The following KCNN3 variants were observed in gnomAD, a reference collection of about 807,000 sequenced individuals.
The protein encoded by KCNN3 is small conductance calcium-activated potassium channel protein 3.
KCNN3 carries 16 observed loss-of-function variants against 62.9 expected under a neutral mutation model. That is an observed-to-expected ratio of 0.25 (90% CI 0.17 to 0.39). The LOEUF (loss-of-function observed/expected upper bound fraction) is 0.39, where lower values mean the gene tolerates loss of function less well. Among genes scored for constraint, KCNN3 ranks in the 10% least tolerant of loss-of-function variants. KCNN3 has a pLI of 1.00. For synonymous variants in KCNN3, 370 were observed against 389.2 expected, an observed-to-expected ratio of 0.95 and a Z score of 0.58; for missense variants, 599 against 949.4, an observed-to-expected ratio of 0.63 and a Z score of 4.85.
chr1:154,772,999 G>A lies in KCNN3; in HGVS notation c.1030-606C>T, dbSNP rs541924225. On this transcript the variant is annotated intron_variant, in intron 2 of 7. Coordinates refer to ENST00000271915, the MANE Select transcript of KCNN3 (RefSeq NM_002249.6). This position sits in a 1 kb window ranked among gnomAD's most constrained non-coding sequence, Gnocchi z 5.6. ...CTCCACAAAATCCCAAAAAGACAGT[G>A]TTTTGTTTTGTTTTTTTAACTTTTA... Among the ~76,000 whole-genome samples the A allele has an allele frequency of 2.6e-5, 4 of 152,226 alleles. No individual in the cohort carries two copies. The South Asian group carries it at 8.3e-4, about 32-fold the overall frequency.
intron 2 of KCNN3, among the ~76,000 whole-genome samples, chr1:154,780,419 T>A (rs1210265621): frequency 6.6e-6 from 1 of 150,776 alleles, no homozygotes; most frequent in Non-Finnish European, 1.5e-5. Context: ...AACTGTGAAT[T>A]TCTCTAAATT....
At chr1:154,854,321 G>C (rs1291536431) in intron 1 of KCNN3, among the ~76,000 whole-genome samples, 1 of 152,160 alleles carries the variant, frequency 6.6e-6, no homozygotes, top group Non-Finnish European at 1.5e-5. Context: ...CTCCCATCCA[G>C]AGTGGTCCTA....
At chr1:154,786,098 C>T (rs1190703088) in intron 2 of KCNN3, among the ~76,000 whole-genome samples, 1 of 152,210 alleles carries the variant, frequency 6.6e-6, no homozygotes, top group Non-Finnish European at 1.5e-5. Flanking sequence ...TCCTGTCCAC[C>T]TGCTTGTCAG....
intron 1 of KCNN3, among the ~76,000 whole-genome samples, chr1:154,847,133 T>C (rs1652099703): frequency 6.6e-6 from 1 of 151,676 alleles, no homozygotes; most frequent in South Asian, 2.1e-4. Context: ...GCCAAGCATC[T>C]ACCAGGGCCC....
rs188578459 is a variant in KCNN3 at position 154,725,523 on chromosome 1, C to T, written c.1701+393G>A. ...CCTGGTGCAAACCCATACGACATGA[C>T]CATTTGCTTCCTTCCTTCCTTCTTT... On this transcript the variant is annotated intron_variant, in intron 5 of 7. Coordinates refer to ENST00000271915, the MANE Select transcript of KCNN3 (RefSeq NM_002249.6). 3.9e-4 allele frequency among the ~76,000 whole-genome samples: 56 copies of T among 145,098 alleles called. 1 individual carries two copies. The highest frequency in any genetic ancestry group is 1.2e-3 in the African/African-American group (48 of 39,212).
intron 3 of KCNN3, among the ~76,000 whole-genome samples, chr1:154,758,790 CGTTTTG>C (rs1647860218): frequency 8.5e-5 from 7 of 82,770 alleles, no homozygotes; most frequent in African/African-American, 2.6e-4. Context: ...AGGAGAACAT[CGTTTTG>C]TTTTTGTTTT....
intron 5 of KCNN3, among the ~76,000 whole-genome samples, chr1:154,717,952 G>C (rs1490978707): frequency 6.6e-6 from 1 of 152,178 alleles, no homozygotes; most frequent in Non-Finnish European, 1.5e-5. Context: ...GGGAGCACAT[G>C]AGGTCATGTG....
intron 3 of KCNN3, among the ~76,000 whole-genome samples, chr1:154,746,865 A>G (rs1448974625): frequency 6.6e-6 from 1 of 152,166 alleles, no homozygotes; most frequent in Non-Finnish European, 1.5e-5. Context: ...ATCAAATGTC[A>G]CCAGGCAGAA....
At chr1:154,720,715 C>T (rs1700328004) in intron 5 of KCNN3, among the ~76,000 whole-genome samples, 1 of 152,194 alleles carries the variant, frequency 6.6e-6, no homozygotes, top group African/African-American at 2.4e-5. Flanking sequence ...TTGTTCAGAG[C>T]TAAGCCTGAG....
intron 6 of KCNN3, among the ~76,000 whole-genome samples, chr1:154,714,318 A>AGGGGTGTGTGG (rs1700166794): frequency 1.3e-5 from 1 of 75,966 alleles, no homozygotes; most frequent in Non-Finnish European, 2.6e-5. Context: ...GGTTTGTGTG[A>AGGGGTGTGTGG]GGTGTGTGTG....
At position 154,707,739 on chromosome 1, in the gene KCNN3, C is replaced by G; in HGVS notation, c.*237G>C. 1 of 508,564 alleles carries G rather than the reference C, an allele frequency of 2.0e-6. No homozygotes were observed. The highest frequency in any genetic ancestry group is 3.4e-6 in the Non-Finnish European group (1 of 290,712). 31.5% of individuals were successfully genotyped at this position (508,564 alleles called of 1,614,324 possible). A position where few individuals can be genotyped will look rare whatever the true frequency, so the allele number is the denominator to read the frequency against. On this transcript the variant is annotated 3_prime_UTR_variant, in exon 8 of 8. Transcript: ENST00000271915. ...GCAGCAAGGGCCCTGCCAGAGGCGT[C>G]GCTTCCTGTCATCTCCTCTTCCCGC...
intron 3 of KCNN3, among the ~76,000 whole-genome samples, chr1:154,735,027 G>T (rs972709479): frequency 1.3e-5 from 2 of 152,236 alleles, no homozygotes; most frequent in African/African-American, 4.8e-5. Flanking sequence ...ATTTAGGAAG[G>T]CCTGGAATTC....
intron 7 of KCNN3, among the ~76,000 whole-genome samples, chr1:154,709,084 G>A (rs945406131): frequency 6.6e-6 from 1 of 152,078 alleles, no homozygotes. Context: ...GAGCTCCCCA[G>A]TACCCCTCCT....
chr1:154,847,639 G>C (rs1375090537), intron 1 of KCNN3, among the ~76,000 whole-genome samples: 2 of 152,162 alleles, frequency 1.3e-5, no homozygotes, highest in Admixed American at 1.3e-4. Context: ...GCCCCTCAAA[G>C]CCAACACGCC....
At chr1:154,789,412 G>T (rs942764858) in intron 2 of KCNN3, among the ~76,000 whole-genome samples, 1 of 151,616 alleles carries the variant, frequency 6.6e-6, no homozygotes, top group Non-Finnish European at 1.5e-5. Flanking sequence ...TTTTGGCAGG[G>T]TGGTGGTCGG....
At chr1:154,739,550 G>A (rs1215755259) in intron 3 of KCNN3, among the ~76,000 whole-genome samples, 1 of 152,232 alleles carries the variant, frequency 6.6e-6, no homozygotes, top group Non-Finnish European at 1.5e-5. Context: ...GAGTATGGTA[G>A]GAAGCTTCTA....
chr1:154,727,607 A>G (rs1700498160), intron 4 of KCNN3, among the ~76,000 whole-genome samples: 1 of 152,200 alleles, frequency 6.6e-6, no homozygotes, highest in African/African-American at 2.4e-5. Flanking sequence ...CAAAGTGAAA[A>G]GAACCAAGTC....
At chr1:154,740,467 C>T (rs1236609891) in intron 3 of KCNN3, among the ~76,000 whole-genome samples, 13 of 152,164 alleles carry the variant, frequency 8.5e-5, no homozygotes, top group African/African-American at 1.2e-4. Flanking sequence ...TTAATCATAG[C>T]TCCTGGTACA....
At chr1:154,840,341 G>A (rs1026483982) in intron 1 of KCNN3, among the ~76,000 whole-genome samples, 3 of 152,158 alleles carry the variant, frequency 2.0e-5, no homozygotes, top group Admixed American at 2.0e-4. Flanking sequence ...ATTTGCAAAG[G>A]TATGGTTGGT....
Sources: gnomAD v4.1 joint callset for allele counts (sites outside exome capture counted in the v4.1 genomes callset) on GRCh38, gnomAD v4.1.1 for gene constraint, Gnocchi (gnomAD v3.1) non-coding constraint, MANE v1.5 for transcripts, NCBI Gene and HGNC (gene_info 2026-07-23, HGNC 2026-07-21) for gene names.